The following CSTPP1 variants were observed in gnomAD, a reference collection of about 807,000 sequenced individuals.
CSTPP1 encodes the protein centriolar satellite-associated tubulin polyglutamylase complex regulator 1.
chr11:47,135,435 G>A, the CSTPP1 span, among the ~76,000 whole-genome samples: 1 of 152,120 alleles, frequency 6.6e-6, no homozygotes, highest in Non-Finnish European at 1.5e-5. Context: ...GAGCAGAAAG[G>A]GAACAAGCTC....
At chr11:47,006,930 C>G in the CSTPP1 span, among the ~76,000 whole-genome samples, 1 of 150,264 alleles carries the variant, frequency 6.7e-6, no homozygotes, top group South Asian at 2.1e-4. Context: ...TCTAATTACA[C>G]AAACATTAGA....
chr11:47,038,713 C>A, the CSTPP1 span, among the ~76,000 whole-genome samples: 4 of 124,476 alleles, frequency 3.2e-5, 1 homozygote, highest in Non-Finnish European at 7.7e-5. Flanking sequence ...GACGAGGTGG[C>A]TCCCGGGCAG....
chr11:47,122,091 A>ATATATATATATAT, the CSTPP1 span, among the ~76,000 whole-genome samples: 7 of 31,822 alleles, frequency 2.2e-4, no homozygotes, highest in East Asian at 6.8e-4. Context: ...AAAAAAAAAA[A>ATATATATATATAT]ATATATATAT....
chr11:47,017,866 C>G, the CSTPP1 span, among the ~76,000 whole-genome samples: 1 of 151,952 alleles, frequency 6.6e-6, no homozygotes, highest in Non-Finnish European at 1.5e-5. Context: ...TGGGATTTCA[C>G]CATGCTGGCC....
the CSTPP1 span, among the ~76,000 whole-genome samples, chr11:46,944,228 G>A: frequency 2.9e-3 from 429 of 148,536 alleles, 1 homozygote; most frequent in Non-Finnish European, 4.1e-3. Flanking sequence ...TGAGACACGA[G>A]AATTGCTTGA....
chr11:47,153,029 G>A, the CSTPP1 span, among the ~76,000 whole-genome samples: 3 of 152,176 alleles, frequency 2.0e-5, no homozygotes, highest in East Asian at 1.9e-4. Context: ...CTCCCTGAGC[G>A]CTCCCGGGGG....
At chr11:47,086,234 C>CAAAAAAAAAAAAAAAAAAA in the CSTPP1 span, among the ~76,000 whole-genome samples, 3 of 89,430 alleles carry the variant, frequency 3.4e-5, 1 homozygote, top group Non-Finnish European at 2.0e-5. Context: ...ACTAAAAATC[C>CAAAAAAAAAAAAAAAAAAA]AAAAAAAAAA....
chr11:47,162,788 T>C, the CSTPP1 span, among the ~76,000 whole-genome samples: 2 of 152,106 alleles, frequency 1.3e-5, no homozygotes, highest in African/African-American at 2.4e-5. Context: ...CTACTAGGCA[T>C]ACACATTTCC....
At chr11:47,124,797 A>AT in the CSTPP1 span, among the ~76,000 whole-genome samples, 2 of 151,786 alleles carry the variant, frequency 1.3e-5, no homozygotes, top group African/African-American at 4.8e-5. Flanking sequence ...GATATTTTTC[A>AT]TTTTTTTTCT....
the CSTPP1 span, chr11:47,157,919 C>G: frequency 6.2e-7 from 1 of 1,613,150 alleles, no homozygotes; most frequent in African/African-American, 1.3e-5. Context: ...CAACCAAGCC[C>G]TCGGTAAGTC....
the CSTPP1 span, chr11:46,936,714 C>A: frequency 6.4e-7 from 1 of 1,560,992 alleles, no homozygotes; most frequent in Non-Finnish European, 8.7e-7. Flanking sequence ...CGTCCCCCTT[C>A]CGCCGCGTGG....
the CSTPP1 span, among the ~76,000 whole-genome samples, chr11:47,060,585 T>A: frequency 6.6e-6 from 1 of 152,014 alleles, no homozygotes; most frequent in South Asian, 2.1e-4. Context: ...TACCCCAGGT[T>A]ATGAAGGGCT....
At chr11:47,156,112 T>C in the CSTPP1 span, among the ~76,000 whole-genome samples, 2 of 152,216 alleles carry the variant, frequency 1.3e-5, no homozygotes, top group Admixed American at 1.3e-4. Context: ...AGCCCTGGCC[T>C]CATTTGGGCG....
the CSTPP1 span, among the ~76,000 whole-genome samples, chr11:47,163,601 G>A: frequency 6.6e-6 from 1 of 152,114 alleles, no homozygotes; most frequent in African/African-American, 2.4e-5. Context: ...AATTTAAAGG[G>A]TCCCATTAAC....
the CSTPP1 span, among the ~76,000 whole-genome samples, chr11:47,129,517 C>T: frequency 6.6e-6 from 1 of 152,172 alleles, no homozygotes; most frequent in African/African-American, 2.4e-5. Flanking sequence ...TGTTTCATAT[C>T]CTCACACTTT....
At chr11:46,939,969 C>T in the CSTPP1 span, among the ~76,000 whole-genome samples, 1 of 152,110 alleles carries the variant, frequency 6.6e-6, no homozygotes, top group Non-Finnish European at 1.5e-5. Flanking sequence ...TTCCTGGGTT[C>T]AAGCCATTCT....
the CSTPP1 span, among the ~76,000 whole-genome samples, chr11:46,960,357 T>C: frequency 1.3e-5 from 2 of 152,162 alleles, no homozygotes; most frequent in Admixed American, 1.3e-4. Context: ...CATGATATAA[T>C]TGCAGAACAT....
the CSTPP1 span, among the ~76,000 whole-genome samples, chr11:47,039,035 A>C: frequency 8.2e-6 from 1 of 121,232 alleles, no homozygotes; most frequent in South Asian, 2.7e-4. Context: ...GCGGCCGGGC[A>C]GAGACGCTCC....
At chr11:47,153,955 T>C in the CSTPP1 span, among the ~76,000 whole-genome samples, 1 of 152,202 alleles carries the variant, frequency 6.6e-6, no homozygotes, top group East Asian at 1.9e-4. Context: ...TTTTGTTTTT[T>C]TTTTGACAGG....
Sources: gnomAD v4.1 joint callset for allele counts (sites outside exome capture counted in the v4.1 genomes callset) on GRCh38, gnomAD v4.1.1 for gene constraint, MANE v1.5 for transcripts, NCBI Gene and HGNC (gene_info 2026-07-23, HGNC 2026-07-21) for gene names.